Variants in NOX4 observed in about 807,000 individuals in gnomAD.
NOX4 encodes kidney oxidase-1.
A neutral mutation model predicts 87.6 loss-of-function variants in NOX4; 69 were observed. That is an observed-to-expected ratio of 0.79 (90% CI 0.65 to 0.96). The LOEUF (loss-of-function observed/expected upper bound fraction) is 0.96. Ranked by LOEUF, NOX4 falls within the 40% of genes least tolerant of loss-of-function variation. NOX4 has a pLI of 0.00. For synonymous variants in NOX4, 275 were observed against 238.2 expected (o/e 1.15, Z -1.42); for missense variants, 680 against 681.5 (o/e 1.00, Z 0.02).
chr11:89,336,497 A>G (rs1052213660), intron 16 of NOX4, among the ~76,000 whole-genome samples: 5 of 151,986 alleles, frequency 3.3e-5, no homozygotes, highest in African/African-American at 9.7e-5. Flanking sequence ...ACAGCTCAAG[A>G]CAGCAAAACT....
Position 89,326,684 on chromosome 11 carries a change from T to C in NOX4, c.*72A>G, listed in dbSNP as rs1014747889. The C allele has an allele frequency of 8.4e-5, 114 of 1,357,170 alleles. No homozygotes were observed. In the Admixed American group the frequency reaches 2.2e-3, roughly 26 times the overall value. 84.1% of individuals were successfully genotyped at this position (1,357,170 alleles called of 1,614,324 possible). ...TCTTTGGCATAACACAGCTGATTGATTCCGCTGAGTTTCAAAGTCTTAGAA... is the reference window on the plus strand; with the variant it reads ...TCTTTGGCATAACACAGCTGATTGACTCCGCTGAGTTTCAAAGTCTTAGAA... On this transcript the variant is annotated 3_prime_UTR_variant, in exon 18 of 18. Coordinates refer to ENST00000263317, the MANE Select transcript of NOX4 (RefSeq NM_016931.5).
chr11:89,501,771 C>T (rs1947023902), upstream of NOX4, among the ~76,000 whole-genome samples: 1 of 152,006 alleles, frequency 6.6e-6, no homozygotes, highest in African/African-American at 2.4e-5. Context: ...GAAGAAAATA[C>T]TCACTGAGAG....
At chr11:89,545,725 G>C in the NOX4 span, 1 of 132,890 alleles carries the variant, frequency 7.5e-6, no homozygotes, top group Non-Finnish European at 1.6e-5. Flanking sequence ...AAAAAAAAAA[G>C]CTCTCACCAT....
the NOX4 span, among the ~76,000 whole-genome samples, chr11:89,568,390 A>T: frequency 1.3e-5 from 2 of 152,198 alleles, no homozygotes; most frequent in Non-Finnish European, 2.9e-5. Flanking sequence ...TTTACCAACA[A>T]CATCCAAGCT....
the NOX4 span, among the ~76,000 whole-genome samples, chr11:89,585,849 T>A: frequency 6.6e-6 from 1 of 152,198 alleles, no homozygotes; most frequent in African/African-American, 2.4e-5. Context: ...TTTTAAAGAA[T>A]CTGCTGACTG....
chr11:89,441,770 T>A (rs1365231504), intron 5 of NOX4, among the ~76,000 whole-genome samples: 1 of 151,830 alleles, frequency 6.6e-6, no homozygotes, highest in Non-Finnish European at 1.5e-5. Flanking sequence ...GAGTGAGAGA[T>A]GTTTTCACAG....
At chr11:89,340,787 T>C (rs902487923) in intron 14 of NOX4, among the ~76,000 whole-genome samples, 21 of 152,190 alleles carry the variant, frequency 1.4e-4, no homozygotes, top group Admixed American at 1.1e-3. Flanking sequence ...TTCTTCCTTT[T>C]TCATAACATT....
At chr11:89,565,813 T>C in the NOX4 span, among the ~76,000 whole-genome samples, 1 of 152,128 alleles carries the variant, frequency 6.6e-6, no homozygotes, top group Non-Finnish European at 1.5e-5. Context: ...TAGCTTTTGA[T>C]TTTTATTATC....
At chr11:89,467,847 G>A (rs1945774451) in intron 2 of NOX4, among the ~76,000 whole-genome samples, 1 of 152,198 alleles carries the variant, frequency 6.6e-6, no homozygotes, top group Non-Finnish European at 1.5e-5. Context: ...TCTCAATGAA[G>A]TGTGGACAAC....
intron 12 of NOX4, among the ~76,000 whole-genome samples, chr11:89,368,711 G>A (rs1267772734): frequency 6.6e-6 from 1 of 151,922 alleles, no homozygotes; most frequent in Non-Finnish European, 1.5e-5. Context: ...CGAATTACAG[G>A]GGACACATTC....
At chr11:89,369,693 A>G (rs1345911458) in intron 12 of NOX4, among the ~76,000 whole-genome samples, 88 of 152,054 alleles carry the variant, frequency 5.8e-4, no homozygotes, top group Admixed American at 5.6e-3. Flanking sequence ...ATGAATATGA[A>G]TTATGTAAAA....
At chr11:89,545,461 T>TA in the NOX4 span, 1 of 152,172 alleles carries the variant, frequency 6.6e-6, no homozygotes. Context: ...ATGATCATTG[T>TA]AAAAAACTTA....
chr11:89,544,499 C>G, the NOX4 span, among the ~76,000 whole-genome samples: 1 of 152,080 alleles, frequency 6.6e-6, no homozygotes, highest in Non-Finnish European at 1.5e-5. Context: ...AGGTGAAAGT[C>G]ATGAAGTAAA....
At chr11:89,468,879 G>T (rs1945812485) in intron 2 of NOX4, among the ~76,000 whole-genome samples, 1 of 152,182 alleles carries the variant, frequency 6.6e-6, no homozygotes, top group South Asian at 2.1e-4. Context: ...AGAGTAGCTG[G>T]GACTACAGGT....
At chr11:89,347,252 C>A (rs911693293) in intron 13 of NOX4, among the ~76,000 whole-genome samples, 9 of 152,146 alleles carry the variant, frequency 5.9e-5, no homozygotes, top group Non-Finnish European at 1.0e-4. Flanking sequence ...AGCATATCAC[C>A]CAGAGCCACC....
Position 89,325,885 on chromosome 11 carries a change from G to GTATATA in NOX4, c.*865_*870dup, listed in dbSNP as rs201916727. 71 of 137,182 alleles carry GTATATA rather than the reference G, an allele frequency of 5.2e-4. No homozygotes were observed. Among genetic ancestry groups the GTATATA allele is most frequent in the East Asian group, 4.9e-3 (23 of 4,716 alleles). 8.5% of individuals were successfully genotyped at this position (137,182 alleles called of 1,614,324 possible). A position where few individuals can be genotyped will look rare whatever the true frequency, so the allele number is the denominator to read the frequency against. ...AAAGGGAAAAGTTATTAGTATATGT[G>GTATATA]TATATATATATATATATATATATAT... On this transcript the variant is annotated 3_prime_UTR_variant, in exon 18 of 18. Coordinates refer to ENST00000263317, the MANE Select transcript of NOX4 (RefSeq NM_016931.5).
intron 2 of NOX4, among the ~76,000 whole-genome samples, chr11:89,485,795 C>T (rs1453746023): frequency 1.3e-5 from 2 of 152,014 alleles, no homozygotes; most frequent in Non-Finnish European, 2.9e-5. Context: ...TGTTGGTTTG[C>T]TTGTTTCGGT....
chr11:89,338,484 T>C (rs1411021139), intron 15 of NOX4, among the ~76,000 whole-genome samples: 1 of 152,134 alleles, frequency 6.6e-6, no homozygotes, highest in African/African-American at 2.4e-5. Context: ...TGCCTGCTTT[T>C]AATTCTTCTA....
At chr11:89,532,547 C>A in the NOX4 span, among the ~76,000 whole-genome samples, 337 of 152,256 alleles carry the variant, frequency 2.2e-3, no homozygotes, top group Middle Eastern at 6.8e-3. Context: ...TTTACAGGTT[C>A]ATAGGCAGAA....
Sources: gnomAD v4.1 joint callset for allele counts (sites outside exome capture counted in the v4.1 genomes callset) on GRCh38, gnomAD v4.1.1 for gene constraint, MANE v1.5 for transcripts, NCBI Gene and HGNC (gene_info 2026-07-23, HGNC 2026-07-21) for gene names.